The following SNX29 variants were observed in gnomAD, a reference collection of about 807,000 sequenced individuals.
The protein encoded by SNX29 is sorting nexin 29, also known as sorting nexin-29.
SNX29 carries 78 observed loss-of-function variants against 102.1 expected under a neutral mutation model. That is an observed-to-expected ratio of 0.76 (90% CI 0.64 to 0.92). The LOEUF is 0.92. Among genes scored for constraint, SNX29 ranks in the 40% least tolerant of loss-of-function variants. The pLI is 0.00. For synonymous variants in SNX29, 580 were observed against 414.5 expected (o/e 1.40, Z -4.85); for missense variants, 1,280 against 1,061.7 (o/e 1.21, Z -2.86).
chr16:11,988,570 A>G (rs1230813185), intron 1 of SNX29, among the ~76,000 whole-genome samples: 1 of 152,028 alleles, frequency 6.6e-6, no homozygotes, highest in Non-Finnish European at 1.5e-5. Flanking sequence ...CTAATTTTTA[A>G]AAAACTTTTT....
intron 1 of SNX29, among the ~76,000 whole-genome samples, chr16:11,981,319 G>C (rs1295345435): frequency 6.6e-6 from 1 of 151,924 alleles, no homozygotes; most frequent in African/African-American, 2.4e-5. Flanking sequence ...TGGCCAGCTG[G>C]TCTCCAGCTC....
At chr16:12,073,109 C>A (rs943315690) in intron 10 of SNX29, among the ~76,000 whole-genome samples, 1 of 151,866 alleles carries the variant, frequency 6.6e-6, no homozygotes, top group Non-Finnish European at 1.5e-5. Flanking sequence ...TTGATCCTTT[C>A]AAAAAACCAG....
At chr16:12,159,190 T>C (rs2055678895) in intron 13 of SNX29, among the ~76,000 whole-genome samples, 1 of 152,256 alleles carries the variant, frequency 6.6e-6, no homozygotes, top group Admixed American at 6.5e-5. Context: ...CCTGCAGATG[T>C]ATGACGATAC....
chr16:12,477,979 A>C (rs1169026614), intron 19 of SNX29, 120 bp downstream of exon 19: 1 of 1,220,788 alleles, frequency 8.2e-7, no homozygotes, highest in Non-Finnish European at 1.1e-6. Context: ...TGGTGGAGAT[A>C]AGAAAAAAAT....
At chr16:12,122,464 A>G (rs1446402326) in intron 11 of SNX29, among the ~76,000 whole-genome samples, 1 of 152,062 alleles carries the variant, frequency 6.6e-6, no homozygotes, top group African/African-American at 2.4e-5. Context: ...AGCAAGCCCC[A>G]GATGCTCAGA....
chr16:12,179,877 C>T (rs913066924), intron 13 of SNX29, among the ~76,000 whole-genome samples: 4 of 119,930 alleles, frequency 3.3e-5, no homozygotes, highest in East Asian at 2.9e-4. Context: ...AAAGTCTTCT[C>T]CTTAGAAGAC....
chr16:12,158,340 C>T (rs1469873004), intron 13 of SNX29, among the ~76,000 whole-genome samples: 1 of 152,138 alleles, frequency 6.6e-6, no homozygotes, highest in African/African-American at 2.4e-5. Context: ...GCTGGGATTA[C>T]AGACGTGCGC....
chr16:12,449,363 AT>A (rs2086201569), intron 18 of SNX29, among the ~76,000 whole-genome samples: 2 of 152,006 alleles, frequency 1.3e-5, no homozygotes, highest in African/African-American at 4.8e-5. Flanking sequence ...AGGCTTGAGA[AT>A]AGGCACGGCA....
chr16:12,123,243 C>T (rs1035263335), intron 11 of SNX29, among the ~76,000 whole-genome samples: 4 of 152,114 alleles, frequency 2.6e-5, no homozygotes, highest in African/African-American at 9.7e-5. Context: ...TGAACATATA[C>T]GCCACCTCCC....
intron 18 of SNX29, among the ~76,000 whole-genome samples, chr16:12,440,340 A>G (rs916016137): frequency 1.3e-5 from 2 of 152,210 alleles, no homozygotes; most frequent in Admixed American, 6.5e-5. Context: ...GAAGGTTTTC[A>G]TCACCCTGGA....
At chr16:12,117,542 T>C (rs923395475) in intron 11 of SNX29, among the ~76,000 whole-genome samples, 2 of 152,214 alleles carry the variant, frequency 1.3e-5, no homozygotes, top group African/African-American at 4.8e-5. Flanking sequence ...TAAGAGATGA[T>C]TCCGTTTCTG....
chr16:12,463,130 G>A (rs2086883635), intron 18 of SNX29, among the ~76,000 whole-genome samples: 2 of 152,324 alleles, frequency 1.3e-5, no homozygotes, highest in South Asian at 4.1e-4. Flanking sequence ...AGGCTCCTGG[G>A]CACTGCTGCC....
intron 18 of SNX29, among the ~76,000 whole-genome samples, chr16:12,431,248 AG>A (rs1043430589): frequency 2.6e-5 from 4 of 152,126 alleles, no homozygotes; most frequent in Non-Finnish European, 4.4e-5. Flanking sequence ...AAGGGGGAAG[AG>A]GGGAAGAGCG....
rs1353236340 is a variant in SNX29 at position 12,356,185 on chromosome 16, T to C, written c.1805T>C (p.Leu602Pro). The part of the protein sequence containing the change: ...LIEVAEMHGE[L>P]IEFNERLHRA... ...CAGGTGGCAGAGATGCATGGCGAGC[T>C]GATTGAGTTCAACGAGCGCCTGCAC... Residue 602 changes from leucine (L) to proline (P), a missense_variant, in exon 16 of 21, where the codon CTG (leucine) becomes CCG (proline). By Grantham distance (98) the Leu-to-Pro change is moderately conservative (BLOSUM62 -3). Transcript: ENST00000566228. 4 of 1,613,164 alleles carry C rather than the reference T, an allele frequency of 2.5e-6. No homozygotes were observed. The South Asian group carries it at 4.4e-5, about 18-fold the overall frequency.
chr16:12,567,470 G>A lies in SNX29; in HGVS notation c.2319-1036G>A, dbSNP rs147733103. ...CAGAATTTATGTGTCCCCTTATCTA[G>A]CAAAAGGGACTTTACAGATGTGATT... is the stretch of plus-strand genomic sequence containing the variant. On this transcript the variant is annotated intron_variant, in intron 20 of 20. Coordinates refer to ENST00000566228, the MANE Select transcript of SNX29 (RefSeq NM_032167.5). Among the ~76,000 whole-genome samples, 610 of 152,292 alleles carry A rather than the reference G, an allele frequency of 4.0e-3. 3 individuals carry two copies. Among genetic ancestry groups the A allele is most frequent in the African/African-American group, 0.014 (583 of 41,572 alleles).
At chr16:12,278,118 A>G (rs1167200611) in intron 15 of SNX29, 82 bp downstream of exon 15, 3 of 1,260,588 alleles carry the variant, frequency 2.4e-6, no homozygotes, top group Non-Finnish European at 2.3e-6. Context: ...AGCCTATTCT[A>G]AAGACACGTG....
chr16:12,056,760 A>G (rs1450084966), intron 8 of SNX29, among the ~76,000 whole-genome samples: 1 of 152,052 alleles, frequency 6.6e-6, no homozygotes, highest in Non-Finnish European at 1.5e-5. Context: ...ATTTTTCTTT[A>G]CAAGGGATAG....
chr16:12,073,455 G>A lies in SNX29; in HGVS notation c.1319+4323G>A, dbSNP rs549706227. Among the ~76,000 whole-genome samples the A allele has an allele frequency of 6.6e-5, 10 of 152,282 alleles. No homozygotes were observed. In the South Asian group the frequency reaches 2.1e-3, roughly 32 times the overall value. The stretch of plus-strand genomic sequence containing the variant: ...CCCAGTAGTCATTCAGGAGCGGGTT[G>A]TTCAGTTTCCATGTAGTGGAGCGGT... On this transcript the variant is annotated intron_variant, in intron 10 of 20. Transcript: ENST00000566228.
At chr16:12,364,027 G>C (rs1055158755) in intron 16 of SNX29, among the ~76,000 whole-genome samples, 14 of 151,982 alleles carry the variant, frequency 9.2e-5, no homozygotes, top group African/African-American at 3.1e-4. Flanking sequence ...GGGTCTTGCT[G>C]TGTTGCCCAG....
Sources: gnomAD v4.1 joint callset for allele counts (sites outside exome capture counted in the v4.1 genomes callset) on GRCh38, gnomAD v4.1.1 for gene constraint, MANE v1.5 for transcripts, NCBI Gene and HGNC (gene_info 2026-07-23, HGNC 2026-07-21) for gene names.